ZNF490: variants seen among roughly 807,000 people sequenced by gnomAD.
ZNF490 encodes zinc finger protein 490.
In ZNF490, 11 loss-of-function variants were observed where a neutral mutation model predicts 17.7. The ratio of observed to expected loss-of-function variants is 0.62; its 90% confidence interval spans 0.39 to 1.03. The LOEUF (loss-of-function observed/expected upper bound fraction) is 1.03, where lower values mean the gene tolerates loss of function less well. ZNF490 is among the 50% of genes least tolerant of loss of function. ZNF490 has a pLI of 0.00. For missense variants in ZNF490, 542 were observed against 643.4 expected (o/e 0.84, Z 1.71); for synonymous variants, 222 against 216.1 (o/e 1.03, Z -0.24).
rs2022765935 is a variant in ZNF490 at position 12,583,427 on chromosome 19, T to C, written c.289+3A>G. ...TTAAGTAGAGAAATTATGTCACCCT[T>C]ACCTATACAGGCCAGGTTCTTGAAG... On this transcript the variant is annotated splice_donor_region_variant and intron_variant, in intron 3 of 4. Coordinates refer to ENST00000311437, the MANE Select transcript of ZNF490 (RefSeq NM_020714.3). 6.3e-7 allele frequency: 1 copy of C among 1,594,284 alleles called. No homozygotes were observed. The highest frequency in any genetic ancestry group is 1.7e-5 in the Admixed American group (1 of 58,798).
intron 2 of ZNF490, among the ~76,000 whole-genome samples, chr19:12,589,116 C>G (rs1309225113): frequency 6.6e-6 from 1 of 151,934 alleles, no homozygotes; most frequent in Non-Finnish European, 1.5e-5. Context: ...GAGGTCAGGA[C>G]TTCGAGACCA....
At chr19:12,609,077 A>G (rs2023108917) in intron 2 of ZNF490, 81 bp downstream of exon 2, 1 of 1,391,528 alleles carries the variant, frequency 7.2e-7, no homozygotes, top group East Asian at 2.3e-5. Context: ...CCCCCCCACA[A>G]AGAGGTCATA....
rs1234929197 is a variant in ZNF490, at chr19:12,578,622, G to A, written c.*1863C>T. ...ATGTGCATAGGCAGATCCCACTTGG[G>A]GAAAAACTGTAAGATGCGAACCTTT... On this transcript the variant is annotated 3_prime_UTR_variant, in exon 5 of 5. Transcript: ENST00000311437. The A allele has an allele frequency of 1.0e-6, 1 of 985,346 alleles. No homozygotes were observed. The highest frequency in any genetic ancestry group is 1.2e-6 in the Non-Finnish European group (1 of 829,970). 61.0% of individuals were successfully genotyped at this position (985,346 alleles called of 1,614,324 possible).
chr19:12,582,995 G>T, intron 3 of ZNF490, 85 bp from the exon 4 acceptor site: 3 of 1,083,414 alleles, frequency 2.8e-6, no homozygotes, highest in Non-Finnish European at 4.1e-6. Context: ...ATTAGCTATT[G>T]ATTAGCTATG....
At chr19:12,583,285 C>G in intron 3 of ZNF490, 145 bp downstream of exon 3, 7 of 868,388 alleles carry the variant, frequency 8.1e-6, no homozygotes, top group South Asian at 6.4e-5. Context: ...TTAATCCGCC[C>G]GCCTCAGCCT....
intron 2 of ZNF490, among the ~76,000 whole-genome samples, chr19:12,589,872 A>G (rs2022846321): frequency 8.0e-6 from 1 of 125,186 alleles, no homozygotes; most frequent in Non-Finnish European, 1.6e-5. Context: ...CTCACCATTC[A>G]TGTATGTATG....
chr19:12,577,471 G>A lies in ZNF490; in HGVS notation c.*3014C>T, dbSNP rs2022658996. On this transcript the variant is annotated 3_prime_UTR_variant, in exon 5 of 5. Coordinates refer to ENST00000311437, the MANE Select transcript of ZNF490 (RefSeq NM_020714.3). ...AAGAATGTGAAAGGACCTGAAATGG[G>A]TTGAGTAATAATGTTCCAACCCCTC... The A allele has an allele frequency of 1.0e-6, 1 of 985,194 alleles. No homozygotes were observed. Among genetic ancestry groups the A allele is most frequent in the Non-Finnish European group, 1.2e-6 (1 of 829,942 alleles). The allele number at this position is 985,194 out of a possible 1,614,324, so 61.0% of individuals were successfully genotyped here. A position where few individuals can be genotyped will look rare whatever the true frequency, so the allele number is the denominator to read the frequency against.
Position 12,577,371 on chromosome 19 carries a change from G to T in ZNF490, c.*3114C>A. The T allele has an allele frequency of 4.3e-6, 4 of 932,698 alleles. No homozygotes were observed. The highest frequency in any genetic ancestry group is 5.1e-6 in the Non-Finnish European group (4 of 781,918). 57.8% of individuals were successfully genotyped at this position (932,698 alleles called of 1,614,324 possible). On this transcript the variant is annotated 3_prime_UTR_variant, in exon 5 of 5. Transcript: ENST00000311437. ...ATGGCTCCTTGAGCCCATTCTGACA[G>T]TGAAGGAATCTCGAACTTCCTGACC...
At chr19:12,595,586 A>C (rs2022922721) in intron 2 of ZNF490, among the ~76,000 whole-genome samples, 1 of 151,742 alleles carries the variant, frequency 6.6e-6, no homozygotes, top group African/African-American at 2.4e-5. Context: ...AATATTTATT[A>C]ATATATTTTT....
At chr19:12,587,408 A>G (rs1482113958) in intron 2 of ZNF490, among the ~76,000 whole-genome samples, 4 of 76,324 alleles carry the variant, frequency 5.2e-5, no homozygotes, top group African/African-American at 1.6e-4. Flanking sequence ...TGCTGGGATT[A>G]CAGGTGCGAG....
intron 2 of ZNF490, among the ~76,000 whole-genome samples, chr19:12,602,127 C>CAT (rs1555701461): frequency 0.056 from 8,007 of 141,792 alleles, 346 homozygotes; most frequent in African/African-American, 0.085. Flanking sequence ...CACACACACA[C>CAT]ATATATGGGC....
At chr19:12,598,851 G>C (rs1180033773) in intron 2 of ZNF490, among the ~76,000 whole-genome samples, 7 of 151,764 alleles carry the variant, frequency 4.6e-5, no homozygotes, top group Non-Finnish European at 7.4e-5. Flanking sequence ...GCTAGGCATG[G>C]TGGCGCGCAC....
chr19:12,590,347 G>T (rs1163422258), intron 2 of ZNF490, among the ~76,000 whole-genome samples: 1 of 151,944 alleles, frequency 6.6e-6, no homozygotes, highest in Non-Finnish European at 1.5e-5. Flanking sequence ...CTCCTGAGTA[G>T]CTGGGATTAC....
intron 2 of ZNF490, among the ~76,000 whole-genome samples, chr19:12,588,387 A>G (rs1379425695): frequency 6.6e-6 from 1 of 152,220 alleles, no homozygotes; most frequent in Non-Finnish European, 1.5e-5. Context: ...GAAGGGCATT[A>G]CATACTGACA....
At chr19:12,583,791 C>CTCTATATATA (rs1315571249) in intron 2 of ZNF490, among the ~76,000 whole-genome samples, 1 of 68,132 alleles carries the variant, frequency 1.5e-5, no homozygotes, top group East Asian at 4.0e-4. Context: ...CTCTCTCTCT[C>CTCTATATATA]TATATATATA....
At chr19:12,597,949 G>C (rs1400264260) in intron 2 of ZNF490, among the ~76,000 whole-genome samples, 1 of 152,132 alleles carries the variant, frequency 6.6e-6, no homozygotes, top group Non-Finnish European at 1.5e-5. Context: ...ATTCCGGCCG[G>C]GTGCGGAGGC....
chr19:12,577,262 T>C lies in ZNF490; in HGVS notation c.*3223A>G, dbSNP rs1327276134. 2.0e-5 allele frequency among the ~76,000 whole-genome samples: 3 copies of C among 152,154 alleles called. No homozygotes were observed. The highest frequency in any genetic ancestry group is 7.2e-5 in the African/African-American group (3 of 41,438). On this transcript the variant is annotated 3_prime_UTR_variant, in exon 5 of 5. Transcript: ENST00000311437. ...AAAAACATCATCATAGACCCACATATACTTGTCCTTCAAAAAGTGAATGTT... is the reference window on the plus strand; with the variant it reads ...AAAAACATCATCATAGACCCACATACACTTGTCCTTCAAAAAGTGAATGTT...
chr19:12,598,624 G>A (rs141730438), intron 2 of ZNF490, among the ~76,000 whole-genome samples: 2,677 of 151,460 alleles, frequency 0.018, 93 homozygotes, highest in African/African-American at 0.063. Context: ...GGATCTGCCC[G>A]CCTCGGCCTC....
At chr19:12,588,446 C>T (rs1232966094) in intron 2 of ZNF490, among the ~76,000 whole-genome samples, 1 of 152,152 alleles carries the variant, frequency 6.6e-6, no homozygotes, top group African/African-American at 2.4e-5. Context: ...TGTGTATGTA[C>T]ATAACCACAG....
Sources: allele counts gnomAD v4.1 joint callset (sites outside exome capture counted in the v4.1 genomes callset), GRCh38; gene constraint gnomAD v4.1.1; transcripts MANE v1.5; gene names NCBI Gene and HGNC (gene_info 2026-07-23, HGNC 2026-07-21).